NT5E: variants seen among roughly 807,000 people sequenced by gnomAD.
NT5E encodes the protein 5'-nucleotidase.
In NT5E, 53 loss-of-function variants were observed where a neutral mutation model predicts 55.1. The observed-to-expected ratio is 0.96, with a 90% CI of 0.77 to 1.21. NT5E has a LOEUF of 1.21. Among genes scored for constraint, NT5E ranks in the 50% most tolerant of loss-of-function variants. NT5E has a pLI of 0.00. For missense variants in NT5E, 683 were observed against 724.3 expected (o/e 0.94, Z 0.65); for synonymous variants, 270 against 278.4 (o/e 0.97, Z 0.30).
chr6:85,490,127 A>C (rs1372066220), intron 6 of NT5E, among the ~76,000 whole-genome samples: 2 of 152,232 alleles, frequency 1.3e-5, no homozygotes, highest in Non-Finnish European at 2.9e-5. Context: ...TATCAGTATA[A>C]GGCCCCAAAC....
At position 85,494,014 on chromosome 6, in the gene NT5E, C is replaced by A. The variant is rs762151739; in HGVS notation, c.*10C>A. The A allele has an allele frequency of 4.3e-6, 7 of 1,613,544 alleles. No homozygotes were observed. Among genetic ancestry groups the A allele is most frequent in the South Asian group, 1.1e-5 (1 of 91,040 alleles). ...TGTTTTATACCAATAGCCAAAAATT[C>A]TCCTTGCCTTTAATGTGTGAAACTG... On this transcript the variant is annotated 3_prime_UTR_variant, in exon 9 of 9. Transcript: ENST00000257770.
chr6:85,471,047 A>C (rs1185125671), intron 2 of NT5E, among the ~76,000 whole-genome samples, 190 bp from the exon 3 acceptor site: 2 of 152,244 alleles, frequency 1.3e-5, no homozygotes, highest in African/African-American at 4.8e-5. Flanking sequence ...AGTGAATGTA[A>C]TGAGGATATT....
intron 2 of NT5E, among the ~76,000 whole-genome samples, chr6:85,469,025 G>T (rs972693943): frequency 5.9e-5 from 9 of 152,168 alleles, no homozygotes; most frequent in Admixed American, 2.0e-4. Context: ...GCCTGGTGTG[G>T]GTTCTTCCTA....
At chr6:85,493,456 T>C (rs1482048084) in intron 8 of NT5E, among the ~76,000 whole-genome samples, 2 of 152,160 alleles carry the variant, frequency 1.3e-5, no homozygotes, top group Non-Finnish European at 2.9e-5. Context: ...CCATCATCAA[T>C]TACATGAAAA....
intron 3 of NT5E, among the ~76,000 whole-genome samples, chr6:85,476,348 A>G (rs566281154): frequency 3.3e-5 from 5 of 152,134 alleles, no homozygotes; most frequent in South Asian, 2.1e-4. Context: ...TGTCTTGTTT[A>G]CTCATCCTGC....
chr6:85,455,970 G>C (rs1471539090), intron 1 of NT5E, among the ~76,000 whole-genome samples: 1 of 152,108 alleles, frequency 6.6e-6, no homozygotes, highest in East Asian at 1.9e-4. Flanking sequence ...GGGGCCCTTA[G>C]ATAGCTTCGG....
At position 85,487,793 on chromosome 6, in the gene NT5E, T is replaced by A. The variant is rs544312038; in HGVS notation, c.1104+304T>A. On this transcript the variant is annotated intron_variant, in intron 5 of 8. Transcript: ENST00000257770. ...GAAAAATAAATAAAACATTAGTGCC[T>A]AAACAAAAGCCTGATGTAGCTTCAT... 1.2e-3 allele frequency among the ~76,000 whole-genome samples: 189 copies of A among 152,264 alleles called. 1 individual carries two copies. Among genetic ancestry groups the A allele is most frequent in the African/African-American group, 4.2e-3 (176 of 41,554 alleles).
Position 85,472,689 on chromosome 6 carries a change from G to A in NT5E, c.751+1264G>A, listed in dbSNP as rs1008226988. On this transcript the variant is annotated intron_variant, in intron 3 of 8. Coordinates refer to ENST00000257770, the MANE Select transcript of NT5E (RefSeq NM_002526.4). Reference sequence around the variant, plus strand: ...AAATAGCTATATTCTGGTATGCAGCGTCATGGAGGTTGCCTGCTTATAAAA... The same window carrying A: ...AAATAGCTATATTCTGGTATGCAGCATCATGGAGGTTGCCTGCTTATAAAA... Among the ~76,000 whole-genome samples the A allele has an allele frequency of 6.0e-4, 92 of 152,208 alleles. 3 individuals carry two copies. The highest frequency in any genetic ancestry group is 1.2e-3 in the East Asian group (6 of 5,198).
intron 3 of NT5E, among the ~76,000 whole-genome samples, chr6:85,478,603 C>A (rs1202368618): frequency 1.3e-5 from 2 of 152,102 alleles, no homozygotes; most frequent in East Asian, 3.8e-4. Flanking sequence ...CTCTGAGCAT[C>A]AGCTTTCTTT....
chr6:85,487,354 C>T lies in NT5E; in HGVS notation c.969C>T (p.Asp323=), dbSNP rs981130418. Reference sequence around the variant, plus strand: ...TTCTAGATCCAAGCATAAAAGCAGACATTAACAAATGGAGGATAAAATTGG... The same window carrying T: ...TTCTAGATCCAAGCATAAAAGCAGATATTAACAAATGGAGGATAAAATTGG... ...SIPEDPSIKA[D]INKWRIKLDN... The change falls in exon 5 of 9, where the codon GAC becomes GAT. Residue 323 remains aspartate (D), a synonymous_variant. Coordinates refer to ENST00000257770, the MANE Select transcript of NT5E (RefSeq NM_002526.4). The T allele has an allele frequency of 6.2e-7, 1 of 1,613,220 alleles. No homozygotes were observed. Among genetic ancestry groups the T allele is most frequent in the African/African-American group, 1.3e-5 (1 of 74,860 alleles).
rs1026771424 is a variant in NT5E, at chr6:85,495,676, CTTTT to C, written c.*1676_*1679del. The C allele has an allele frequency of 6.6e-6, 1 of 152,106 alleles. No homozygotes were observed. The highest frequency in any genetic ancestry group is 1.5e-5 in the Non-Finnish European group (1 of 68,018). 9.4% of individuals were successfully genotyped at this position (152,106 alleles called of 1,614,324 possible). A position where few individuals can be genotyped will look rare whatever the true frequency, so the allele number is the denominator to read the frequency against. ...AATCCTATTAGAATTTTTTAAAGAACTTTTTTTAAGTTTCCTAAATCTGTGTGTG... is the reference window on the plus strand; with the variant it reads ...AATCCTATTAGAATTTTTTAAAGAACTTTAAGTTTCCTAAATCTGTGTGTG... On this transcript the variant is annotated 3_prime_UTR_variant, in exon 9 of 9. Coordinates refer to ENST00000257770, the MANE Select transcript of NT5E (RefSeq NM_002526.4).
intron 2 of NT5E, among the ~76,000 whole-genome samples, chr6:85,468,387 A>C (rs896933649): frequency 1.8e-4 from 28 of 152,294 alleles, no homozygotes; most frequent in African/African-American, 6.3e-4. Context: ...GGTCAGGTTT[A>C]CTTGCTGAAG....
chr6:85,473,030 C>T (rs1769350566), intron 3 of NT5E, among the ~76,000 whole-genome samples: 1 of 152,132 alleles, frequency 6.6e-6, no homozygotes, highest in African/African-American at 2.4e-5. Flanking sequence ...AGGCACATAG[C>T]AGACAATCCA....
chr6:85,456,431 G>A (rs970105779), intron 1 of NT5E, among the ~76,000 whole-genome samples: 4 of 152,190 alleles, frequency 2.6e-5, no homozygotes, highest in South Asian at 4.1e-4. Flanking sequence ...CAGGACTCTC[G>A]ACTGGTGTCT....
chr6:85,456,428 C>G (rs1768993408), intron 1 of NT5E, among the ~76,000 whole-genome samples: 1 of 152,216 alleles, frequency 6.6e-6, no homozygotes, highest in Non-Finnish European at 1.5e-5. Context: ...GCCCAGGACT[C>G]TCGACTGGTG....
At chr6:85,484,703 C>T (rs940042586) in intron 3 of NT5E, among the ~76,000 whole-genome samples, 1 of 152,176 alleles carries the variant, frequency 6.6e-6, no homozygotes, top group Non-Finnish European at 1.5e-5. Context: ...CTAGAGATTG[C>T]TATTCCCTTA....
chr6:85,461,671 G>A (rs1769100332), intron 1 of NT5E, among the ~76,000 whole-genome samples: 1 of 152,150 alleles, frequency 6.6e-6, no homozygotes, highest in South Asian at 2.1e-4. Context: ...AGTTAGTTAG[G>A]CTTTTTCCAA....
chr6:85,454,984 G>A (rs905545012), intron 1 of NT5E, among the ~76,000 whole-genome samples: 1 of 151,400 alleles, frequency 6.6e-6, no homozygotes, highest in African/African-American at 2.4e-5. Context: ...GTAGAGGCAG[G>A]AATCTACACA....
chr6:85,470,349 A>C (rs1769279819), intron 2 of NT5E, among the ~76,000 whole-genome samples: 1 of 152,228 alleles, frequency 6.6e-6, no homozygotes, highest in Admixed American at 6.5e-5. Flanking sequence ...AGTAATAAGC[A>C]CCCAGGGAAG....
Sources: gnomAD v4.1 joint callset for allele counts (sites outside exome capture counted in the v4.1 genomes callset) on GRCh38, gnomAD v4.1.1 for gene constraint, MANE v1.5 for transcripts, NCBI Gene and HGNC (gene_info 2026-07-23, HGNC 2026-07-21) for gene names.